The following CFI variants were observed in gnomAD, a reference collection of about 807,000 sequenced individuals.
CFI encodes the protein C3B/C4B inactivator.
CFI carries 66 observed loss-of-function variants against 78.8 expected under a neutral mutation model. The ratio of observed to expected loss-of-function variants is 0.84; its 90% confidence interval spans 0.69 to 1.03. The LOEUF (loss-of-function observed/expected upper bound fraction) is 1.03, where lower values mean the gene tolerates loss of function less well. Ranked by LOEUF, CFI falls within the 50% of genes least tolerant of loss-of-function variation. The probability of loss-of-function intolerance (pLI) is 0.00; values close to 1 mark genes in which losing one functional copy is unlikely to be tolerated. For missense variants in CFI, 706 were observed against 704.5 expected (o/e 1.00, Z -0.02); for synonymous variants, 250 against 232.6 (o/e 1.07, Z -0.68).
At chr4:109,737,049 T>C (rs933860324), downstream of CFI, among the ~76,000 whole-genome samples, 2 of 152,232 alleles carry the variant, frequency 1.3e-5, no homozygotes, top group African/African-American at 4.8e-5. Flanking sequence ...CTAGAGTCAG[T>C]GCCATCCTTT....
downstream of CFI, among the ~76,000 whole-genome samples, chr4:109,740,096 C>A (rs1723621917): frequency 6.6e-6 from 1 of 152,072 alleles, no homozygotes; most frequent in African/African-American, 2.4e-5. Flanking sequence ...GAGTTCAAGA[C>A]CAGCCTGGGC....
intron 8 of CFI, among the ~76,000 whole-genome samples, chr4:109,752,079 G>A (rs1385976124): frequency 2.0e-5 from 3 of 152,118 alleles, no homozygotes; most frequent in African/African-American, 7.2e-5. Flanking sequence ...AAAACATTGT[G>A]AAAGAATGGT....
intron 1 of CFI, among the ~76,000 whole-genome samples, chr4:109,788,102 T>A (rs1440710620): frequency 6.6e-6 from 1 of 152,076 alleles, no homozygotes; most frequent in African/African-American, 2.4e-5. Flanking sequence ...TTGTAACTAG[T>A]GGCCCTATAA....
intron 1 of CFI, among the ~76,000 whole-genome samples, chr4:109,772,581 GT>G (rs35970339): frequency 6.8e-4 from 100 of 146,436 alleles, no homozygotes; most frequent in East Asian, 1.8e-3. Flanking sequence ...GAATTTGATC[GT>G]TTTTTTTTTT....
downstream of CFI, among the ~76,000 whole-genome samples, chr4:109,738,624 G>T (rs531743537): frequency 6.6e-6 from 1 of 152,150 alleles, no homozygotes; most frequent in Non-Finnish European, 1.5e-5. Context: ...GTTAGAGAAG[G>T]CCATGCAGGT....
At chr4:109,756,973 G>GAAAGA (rs1726378074) in intron 7 of CFI, among the ~76,000 whole-genome samples, 2 of 138,782 alleles carry the variant, frequency 1.4e-5, no homozygotes, top group African/African-American at 5.3e-5. Context: ...AAGAAAGAAA[G>GAAAGA]AAAGAAATTC....
chr4:109,801,167 T>C (rs1732727427), intron 1 of CFI, among the ~76,000 whole-genome samples: 1 of 152,214 alleles, frequency 6.6e-6, no homozygotes, highest in Non-Finnish European at 1.5e-5. Context: ...AAATATGTCA[T>C]TTCAGTTTCG....
intron 2 of CFI, among the ~76,000 whole-genome samples, chr4:109,765,724 G>T (rs904827655): frequency 1.4e-4 from 21 of 152,164 alleles, no homozygotes; most frequent in Non-Finnish European, 5.9e-5. Context: ...CTAGGTTGGA[G>T]TATGTCCCAG....
At chr4:109,757,039 A>G (rs762132300) in intron 7 of CFI, among the ~76,000 whole-genome samples, 1 of 151,984 alleles carries the variant, frequency 6.6e-6, no homozygotes, top group Admixed American at 6.6e-5. Flanking sequence ...GTCATTTTAC[A>G]TTTACATTTA....
Position 109,768,523 on chromosome 4 carries a change from C to A in CFI, c.58-1699G>T, listed in dbSNP as rs528758835. The stretch of plus-strand genomic sequence containing the variant: ...CTATGTTTGTAATGGTTGACAGGTA[C>A]TAGGCATAAAATTAATGAGAGCTAT... On this transcript the variant is annotated intron_variant, in intron 1 of 12. Transcript: ENST00000394634. Among the ~76,000 whole-genome samples the A allele has an allele frequency of 2.6e-5, 4 of 152,152 alleles. No homozygotes were observed. In the South Asian group the frequency reaches 6.2e-4, roughly 24 times the overall value.
At chr4:109,737,435 C>A (rs1025243662), downstream of CFI, among the ~76,000 whole-genome samples, 23 of 152,206 alleles carry the variant, frequency 1.5e-4, no homozygotes, top group African/African-American at 5.3e-4. Context: ...GTTTCTAGAT[C>A]TCCCTTTAGT....
chr4:109,761,494 T>A (rs1383967658), intron 4 of CFI, 23 bp downstream of exon 4: 3 of 1,612,206 alleles, frequency 1.9e-6, no homozygotes, highest in Non-Finnish European at 2.5e-6. Flanking sequence ...GAAGGGAAAA[T>A]AACAGGCAAA....
intron 7 of CFI, among the ~76,000 whole-genome samples, chr4:109,756,973 G>T (rs146761541): frequency 0.027 from 3,801 of 138,742 alleles, 113 homozygotes; most frequent in Middle Eastern, 0.056. Context: ...AAGAAAGAAA[G>T]AAAGAAATTC....
chr4:109,781,377 T>C (rs1730011235), intron 1 of CFI, among the ~76,000 whole-genome samples: 1 of 152,246 alleles, frequency 6.6e-6, no homozygotes, highest in African/African-American at 2.4e-5. Context: ...AAGGCTACTA[T>C]GAACATCTTT....
chr4:109,731,682 C>T, the CFI span, among the ~76,000 whole-genome samples: 1 of 152,106 alleles, frequency 6.6e-6, no homozygotes, highest in Non-Finnish European at 1.5e-5. Flanking sequence ...TTCACTCAGC[C>T]CCTCAACCAG....
intron 7 of CFI, among the ~76,000 whole-genome samples, chr4:109,756,927 AAG>A (rs1491411125): frequency 2.7e-5 from 4 of 148,252 alleles, no homozygotes; most frequent in Non-Finnish European, 4.5e-5. Context: ...GAAAGAAAGA[AAG>A]AAAGAAAGAA....
In CFI at chr4:109,746,434, C is replaced by T. The variant is rs74817407; in HGVS notation, c.1217G>A (p.Arg406His). Residue 406 changes from arginine (R) to histidine (H), a missense_variant, in exon 11 of 13, where the codon CGT (arginine) becomes CAT (histidine). Arg to His is a conservative substitution (Grantham distance 29). Transcript: ENST00000394634. ...VVDWIHPDLK[R>H]IVIEYVDRII... ...TCTATCCACGTATTCAATTACTATA[C>T]GTTTAAGGTCGGGGTGTATCCAGTC... The T allele has an allele frequency of 7.5e-3, 12,050 of 1,613,494 alleles. 420 individuals carry two copies. The East Asian group carries it at 0.099, about 13-fold the overall frequency.
chr4:109,777,531 T>C (rs1729416821), intron 1 of CFI, among the ~76,000 whole-genome samples: 1 of 152,074 alleles, frequency 6.6e-6, no homozygotes, highest in Non-Finnish European at 1.5e-5. Flanking sequence ...ACAATAATAA[T>C]GGGAGACTTT....
chr4:109,779,808 A>G (rs1467634714), intron 1 of CFI, among the ~76,000 whole-genome samples: 1 of 152,050 alleles, frequency 6.6e-6, no homozygotes, highest in Non-Finnish European at 1.5e-5. Context: ...CCAACAGAAC[A>G]GAGGCCTCAG....
Sources: gnomAD v4.1 joint callset for allele counts (sites outside exome capture counted in the v4.1 genomes callset) on GRCh38, gnomAD v4.1.1 for gene constraint, MANE v1.5 for transcripts, NCBI Gene and HGNC (gene_info 2026-07-23, HGNC 2026-07-21) for gene names.